Variants in ZBTB8B observed in about 807,000 individuals in gnomAD.
ZBTB8B encodes the protein zinc finger and BTB domain containing 8B.
A neutral mutation model predicts 30.3 loss-of-function variants in ZBTB8B; 17 were observed. The ratio of observed to expected loss-of-function variants is 0.56; its 90% CI spans 0.38 to 0.84. The LOEUF (loss-of-function observed/expected upper bound fraction) is 0.84. Among genes scored for constraint, ZBTB8B ranks in the 40% least tolerant of loss-of-function variants. ZBTB8B has a pLI of 0.00. For missense variants in ZBTB8B, 515 were observed against 644.9 expected (o/e 0.80, Z 2.18); for synonymous variants, 248 against 255.6 (o/e 0.97, Z 0.28).
In ZBTB8B at chr1:32,484,984, G is replaced by C; in HGVS notation, c.1171-117G>C. On this transcript the variant is annotated intron_variant, in intron 3 of 3. Transcript: ENST00000609129. This position sits in a 1 kb window ranked among gnomAD's most constrained non-coding sequence, Gnocchi z 4.5. ...TACAAAGACTGTGGCAGAGAATGCA[G>C]GTGGAGTGCTGAAAAAGGAATCGGG... The C allele has an allele frequency of 1.1e-6, 1 of 887,432 alleles. No homozygotes were observed. Among genetic ancestry groups the C allele is most frequent in the Non-Finnish European group, 1.7e-6 (1 of 571,642 alleles). The allele number at this position is 887,432 out of a possible 1,614,324, so 55.0% of individuals were successfully genotyped here. A position where few individuals can be genotyped will look rare whatever the true frequency, so the allele number is the denominator to read the frequency against.
chr1:32,481,832 C>CA (rs1643707607), intron 3 of ZBTB8B, among the ~76,000 whole-genome samples: 1 of 152,152 alleles, frequency 6.6e-6, no homozygotes, highest in South Asian at 2.1e-4. Context: ...TCATTTAGCT[C>CA]CCACTTATAA....
rs1437998940 is a variant in ZBTB8B at position 32,471,462 on chromosome 1, T to G, written c.838T>G (p.Phe280Val). Residue 280 changes from phenylalanine (F) to valine (V), a missense_variant, in exon 2 of 4, where the codon TTC (phenylalanine) becomes GTC (valine). Phe to Val is a conservative substitution (Grantham distance 50). Around this residue, in one of 3 missense-constraint regions of ZBTB8B, gnomAD observed 429 missense variants for 504.3 expected, o/e 0.85. Coordinates refer to ENST00000609129, the MANE Select transcript of ZBTB8B (RefSeq NM_001145720.2). Reference sequence around the variant, plus strand: ...TTACAGCAACTACCACGTGAAGCAGTTCCTGGAGGCGCTCTTGCGCAACAG... The same window carrying G: ...TTACAGCAACTACCACGTGAAGCAGGTCCTGGAGGCGCTCTTGCGCAACAG... ...LAYSNYHVKQ[F>V]LEALLRNSAA... 4 of 1,551,658 alleles carry G rather than the reference T, an allele frequency of 2.6e-6. No homozygotes were observed. In the South Asian group the frequency reaches 4.8e-5, roughly 18 times the overall value.
intron 1 of ZBTB8B, among the ~76,000 whole-genome samples, chr1:32,469,065 T>TC (rs1273829946): frequency 1.1e-4 from 17 of 151,470 alleles, no homozygotes; most frequent in Non-Finnish European, 2.2e-4. Context: ...GGCGCAGTGG[T>TC]ATGCACCTGT....
At position 32,488,766 on chromosome 1, in the gene ZBTB8B, ATATT is replaced by A. The variant is rs1403419374; in HGVS notation, c.*3358_*3361del. 1 of 151,992 alleles carries A rather than the reference ATATT, an allele frequency of 6.6e-6. No homozygotes were observed. Among genetic ancestry groups the A allele is most frequent in the Non-Finnish European group, 1.5e-5 (1 of 68,008 alleles). 9.4% of individuals were successfully genotyped at this position (151,992 alleles called of 1,614,324 possible). A position where few individuals can be genotyped will look rare whatever the true frequency, so the allele number is the denominator to read the frequency against. ...TTTTAAGCTACCTTTTACCTGCATA[ATATT>A]TATTTATTTTTAATTTTATTTTATG... On this transcript the variant is annotated 3_prime_UTR_variant, in exon 4 of 4. Transcript: ENST00000609129.
intron 3 of ZBTB8B, among the ~76,000 whole-genome samples, chr1:32,482,267 G>A (rs1253036304): frequency 6.6e-6 from 1 of 152,048 alleles, no homozygotes; most frequent in Non-Finnish European, 1.5e-5. Context: ...CCAAAGTGCT[G>A]GGATTATAGG....
In ZBTB8B at chr1:32,495,901, T is replaced by A. The variant is rs535556074; in HGVS notation, c.*10483T>A. 2.6e-5 allele frequency: 4 copies of A among 152,270 alleles called. No individual in the cohort carries two copies. In the South Asian group the frequency reaches 6.2e-4, roughly 24 times the overall value. The allele number at this position is 152,270 out of a possible 1,614,324, so 9.4% of individuals were successfully genotyped here. ...TGTCTCAAAAAAAAAGGTTTTTTTT[T>A]AATTGAATGAATGCAATAAGGAATT... is the stretch of plus-strand genomic sequence containing the variant. On this transcript the variant is annotated 3_prime_UTR_variant, in exon 4 of 4. Coordinates refer to ENST00000609129, the MANE Select transcript of ZBTB8B (RefSeq NM_001145720.2).
chr1:32,479,101 G>A (rs535060094), intron 2 of ZBTB8B, among the ~76,000 whole-genome samples: 2 of 152,304 alleles, frequency 1.3e-5, no homozygotes, highest in African/African-American at 4.8e-5. Context: ...GCTGATCAGT[G>A]CTAGAGCCAG....
In ZBTB8B at chr1:32,490,146, G is replaced by A; in HGVS notation, c.*4728G>A. On this transcript the variant is annotated 3_prime_UTR_variant, in exon 4 of 4. Transcript: ENST00000609129. ...TCAGACTGTTTTATTTGGAACTCTA[G>A]ATTTTTCTTGTGTGTGTCCCTTGTG... The A allele has an allele frequency of 6.6e-6, 1 of 152,206 alleles. No homozygotes were observed. The highest frequency in any genetic ancestry group is 1.9e-4 in the East Asian group (1 of 5,196). The allele number at this position is 152,206 out of a possible 1,614,324, so 9.4% of individuals were successfully genotyped here. A position where few individuals can be genotyped will look rare whatever the true frequency, so the allele number is the denominator to read the frequency against.
At position 32,471,453 on chromosome 1, in the gene ZBTB8B, G is replaced by A. The variant is rs746279390; in HGVS notation, c.829G>A (p.Val277Met). ...AVDLAYSNYH[V>M]KQFLEALLRN... is the part of the protein sequence containing the mutation. The stretch of plus-strand genomic sequence containing the variant: ...TGACTTGGCTTACAGCAACTACCAC[G>A]TGAAGCAGTTCCTGGAGGCGCTCTT... The change falls in exon 2 of 4, where the codon GTG becomes ATG. Residue 277 changes from valine (V) to methionine (M), a missense_variant. By Grantham distance (21) the Val-to-Met change is conservative. Coordinates refer to ENST00000609129, the MANE Select transcript of ZBTB8B (RefSeq NM_001145720.2). 28 of 1,551,694 alleles carry A rather than the reference G, an allele frequency of 1.8e-5. No homozygotes were observed. Among genetic ancestry groups the A allele is most frequent in the Admixed American group, 1.6e-4 (8 of 50,988 alleles).
chr1:32,472,769 G>A (rs1469060806), intron 2 of ZBTB8B, among the ~76,000 whole-genome samples: 5 of 152,054 alleles, frequency 3.3e-5, no homozygotes, highest in African/African-American at 1.2e-4. Flanking sequence ...GGCGCATACC[G>A]CCACGCCCAG....
chr1:32,470,958 AAC>A lies in ZBTB8B; in HGVS notation c.335_336del (p.Asn112IlefsTer7). On this transcript the variant is annotated frameshift_variant, in exon 2 of 4. Transcript: ENST00000609129. LOFTEE classifies it high-confidence loss of function. ...CTACCTGCAGATGAATGACGTGGTGAACTTCTGCAAGACATACATTAGGTCAT... is the reference window on the plus strand; with the variant it reads ...CTACCTGCAGATGAATGACGTGGTGATTCTGCAAGACATACATTAGGTCAT... ...ASYLQMNDVV[N>X]FCKTYIRSSL... 2 of 1,552,292 alleles carry A rather than the reference AAC, an allele frequency of 1.3e-6. No individual in the cohort carries two copies. The highest frequency in any genetic ancestry group is 8.7e-7 in the Non-Finnish European group (1 of 1,147,124).
intron 2 of ZBTB8B, among the ~76,000 whole-genome samples, chr1:32,479,541 A>G (rs1425643122): frequency 6.6e-6 from 1 of 152,168 alleles, no homozygotes; most frequent in African/African-American, 2.4e-5. Flanking sequence ...AAAAAATAAA[A>G]AAATAAAAAT....
intron 1 of ZBTB8B, among the ~76,000 whole-genome samples, chr1:32,467,885 G>A (rs1643584058): frequency 6.6e-6 from 1 of 151,826 alleles, no homozygotes. Context: ...GGCTGAGGGG[G>A]GCAGATCACT....
chr1:32,468,846 G>T (rs1198314078), intron 1 of ZBTB8B, among the ~76,000 whole-genome samples: 1 of 151,036 alleles, frequency 6.6e-6, no homozygotes, highest in East Asian at 1.9e-4. Context: ...GGGCGAGAGA[G>T]GGAGAATCTG....
chr1:32,470,512 A>AAAAAG lies in ZBTB8B; in HGVS notation c.-41-68_-41-67insGAAAA. The AAAAAG allele has an allele frequency of 1.5e-5, 16 of 1,083,142 alleles. No individual in the cohort carries two copies. In the East Asian group the frequency reaches 3.9e-4, roughly 26 times the overall value. The allele number at this position is 1,083,142 out of a possible 1,614,324, so 67.1% of individuals were successfully genotyped here. ...AAGACGCTGACTCAAAAAAAAAAAA[A>AAAAAG]AAAAAAAAAAAAAAGAAATCTTGTT... On this transcript the variant is annotated intron_variant, in intron 1 of 3. Transcript: ENST00000609129.
chr1:32,481,070 G>GT lies in ZBTB8B; in HGVS notation c.1170+2dup. On this transcript the variant is annotated splice_donor_variant, in intron 3 of 3. Coordinates refer to ENST00000609129, the MANE Select transcript of ZBTB8B (RefSeq NM_001145720.2). LOFTEE classifies it high-confidence loss of function. ...GCACCTGCGGAGCCACGCACTGAGT[G>GT]TAAGTGTTCGAGCTGGCCATGCCCT... The GT allele has an allele frequency of 4.5e-6, 7 of 1,548,584 alleles. No homozygotes were observed. Among genetic ancestry groups the GT allele is most frequent in the Non-Finnish European group, 6.1e-6 (7 of 1,144,930 alleles).
In ZBTB8B at chr1:32,485,146, A is replaced by T. The variant is rs1369957783; in HGVS notation, c.1216A>T (p.Thr406Ser). The T allele has an allele frequency of 9.0e-6, 14 of 1,552,046 alleles. No homozygotes were observed. Among genetic ancestry groups the T allele is most frequent in the Non-Finnish European group, 1.2e-5 (14 of 1,147,118 alleles). Reference protein sequence around the residue: ...RPIICKGCRRTFTSHLSQGLR... With the variant: ...RPIICKGCRRSFTSHLSQGLR... ...AATCATCTGCAAGGGCTGCAGGAGA[A>T]CATTCACGAGTCACCTGTCCCAGGG... The change falls in exon 4 of 4, where the codon ACA becomes TCA. Residue 406 changes from threonine (T) to serine (S), a missense_variant. By Grantham distance (58) the Thr-to-Ser change is moderately conservative. Around this residue, in one of 3 missense-constraint regions of ZBTB8B, gnomAD observed 429 missense variants for 504.3 expected, o/e 0.85. Transcript: ENST00000609129.
At chr1:32,472,046 C>T (rs111556384) in intron 2 of ZBTB8B, among the ~76,000 whole-genome samples, 1,923 of 152,198 alleles carry the variant, frequency 0.013, 45 homozygotes, top group African/African-American at 0.044. Flanking sequence ...TCATCATTAC[C>T]ATCATCACCA....
chr1:32,473,503 G>A (rs1643639124), intron 2 of ZBTB8B, among the ~76,000 whole-genome samples: 1 of 128,496 alleles, frequency 7.8e-6, no homozygotes, highest in East Asian at 2.3e-4. Flanking sequence ...CTAAATGGCT[G>A]TCTTGAGACT....
Sources: gnomAD v4.1 joint callset for allele counts (sites outside exome capture counted in the v4.1 genomes callset) on GRCh38, gnomAD v4.1.1 for gene constraint, gnomAD v4.1.1 regional missense constraint, Gnocchi (gnomAD v3.1) non-coding constraint, MANE v1.5 for transcripts, NCBI Gene and HGNC (gene_info 2026-07-23, HGNC 2026-07-21) for gene names.